KCTD16: variants seen among roughly 807,000 people sequenced by gnomAD.
KCTD16 encodes potassium channel tetramerization domain containing 16, also known as BTB/POZ domain-containing protein KCTD16.
KCTD16 carries 13 observed loss-of-function variants against 33.2 expected under a neutral mutation model. The observed-to-expected ratio is 0.39, with a 90% CI of 0.25 to 0.62. The LOEUF is 0.62. Ranked by LOEUF, KCTD16 falls within the 20% of genes least tolerant of loss-of-function variation. The pLI, the probability that KCTD16 is intolerant of heterozygous loss-of-function variation, is 0.50. For synonymous variants in KCTD16, 197 were observed against 195.3 expected (o/e 1.01, Z -0.07); for missense variants, 441 against 525.1 (o/e 0.84, Z 1.57).
At chr5:144,253,894 T>C (rs1298900530) in intron 3 of KCTD16, among the ~76,000 whole-genome samples, 1 of 152,180 alleles carries the variant, frequency 6.6e-6, no homozygotes, top group Admixed American at 6.5e-5. Flanking sequence ...AAAAATATGT[T>C]TTTCATATAA....
chr5:144,349,507 T>A (rs1752891117), intron 3 of KCTD16, among the ~76,000 whole-genome samples: 1 of 152,208 alleles, frequency 6.6e-6, no homozygotes, highest in East Asian at 1.9e-4. Flanking sequence ...TTTTTCTGAA[T>A]TGAATTAAAT....
At chr5:144,184,465 A>G (rs1039482857) in intron 2 of KCTD16, among the ~76,000 whole-genome samples, 3 of 152,206 alleles carry the variant, frequency 2.0e-5, no homozygotes, top group Non-Finnish European at 2.9e-5. Flanking sequence ...TAATGCTCCT[A>G]TGAATGTGGG....
rs77417927 is a variant in KCTD16 at position 144,394,031 on chromosome 5, G to A, written c.833-79629G>A. Among the ~76,000 whole-genome samples, 724 of 139,254 alleles carry A rather than the reference G, an allele frequency of 5.2e-3. 5 individuals are homozygous for A. Among genetic ancestry groups the A allele is most frequent in the African/African-American group, 0.019 (696 of 36,396 alleles). The allele number at this position is 139,254 out of a possible 152,430, so 91.4% of individuals were successfully genotyped here. A position where few individuals can be genotyped will look rare whatever the true frequency, so the allele number is the denominator to read the frequency against. On this transcript the variant is annotated intron_variant, in intron 3 of 3. Transcript: ENST00000512467. ...TGCACATGGTCGGGAACCCAAATAA[G>A]CCTCTCTCTCTGGAGTTGATGATTG...
chr5:144,466,027 C>T (rs758996554), intron 3 of KCTD16, among the ~76,000 whole-genome samples: 4 of 151,712 alleles, frequency 2.6e-5, no homozygotes, highest in African/African-American at 9.7e-5. Flanking sequence ...TTAGTAGAGA[C>T]GGGATTTCAC....
intron 3 of KCTD16, among the ~76,000 whole-genome samples, chr5:144,405,410 A>C (rs998195464): frequency 2.6e-5 from 4 of 152,188 alleles, no homozygotes; most frequent in Non-Finnish European, 5.9e-5. Context: ...ATGTTTGGCA[A>C]ATTACTTTCC....
chr5:144,297,170 G>A (rs1219772587), intron 3 of KCTD16, among the ~76,000 whole-genome samples: 2 of 152,200 alleles, frequency 1.3e-5, no homozygotes, highest in African/African-American at 4.8e-5. Flanking sequence ...TTACACGTTT[G>A]AGTTTCTTCT....
At chr5:144,359,468 C>A (rs1197078484) in intron 3 of KCTD16, among the ~76,000 whole-genome samples, 1 of 151,958 alleles carries the variant, frequency 6.6e-6, no homozygotes, top group Non-Finnish European at 1.5e-5. Flanking sequence ...ATTGCACTGC[C>A]ATTGCTTCTT....
At chr5:144,296,456 CTCTT>C (rs1201075327) in intron 3 of KCTD16, among the ~76,000 whole-genome samples, 1 of 152,136 alleles carries the variant, frequency 6.6e-6, no homozygotes, top group Non-Finnish European at 1.5e-5. Flanking sequence ...GTTCAATTGC[CTCTT>C]TCTTATTTTC....
chr5:144,246,382 G>A (rs1754549699), intron 3 of KCTD16, among the ~76,000 whole-genome samples: 1 of 152,120 alleles, frequency 6.6e-6, no homozygotes, highest in Non-Finnish European at 1.5e-5. Context: ...TACAAATAAG[G>A]GAAATCTGGC....
chr5:144,418,001 T>A (rs1000201890), intron 3 of KCTD16, among the ~76,000 whole-genome samples: 3 of 152,150 alleles, frequency 2.0e-5, no homozygotes, highest in Non-Finnish European at 4.4e-5. Context: ...AGTTTCTTCC[T>A]TCTGGTGGGC....
chr5:144,416,461 A>G (rs1753056596), intron 3 of KCTD16, among the ~76,000 whole-genome samples: 1 of 152,206 alleles, frequency 6.6e-6, no homozygotes, highest in Non-Finnish European at 1.5e-5. Flanking sequence ...TGAATGAGAC[A>G]CACCTCGGAT....
chr5:144,211,803 T>C (rs1753404174), intron 3 of KCTD16, among the ~76,000 whole-genome samples: 1 of 152,098 alleles, frequency 6.6e-6, no homozygotes, highest in African/African-American at 2.4e-5. Flanking sequence ...AGGTATGTGA[T>C]GTTTGGTCCT....
At chr5:144,377,869 G>A (rs1309939625) in intron 3 of KCTD16, 1 of 151,774 alleles carries the variant, frequency 6.6e-6, no homozygotes, top group African/African-American at 2.4e-5. Flanking sequence ...TGTGCAATTA[G>A]GTAGGTAATT....
chr5:144,420,255 G>C (rs1357435728), intron 3 of KCTD16, among the ~76,000 whole-genome samples: 1 of 152,078 alleles, frequency 6.6e-6, no homozygotes, highest in Non-Finnish European at 1.5e-5. Context: ...CAGTTTACTG[G>C]TCGGGGAATG....
chr5:144,398,099 T>C (rs1235331013), intron 3 of KCTD16, among the ~76,000 whole-genome samples: 1 of 152,192 alleles, frequency 6.6e-6, no homozygotes, highest in Admixed American at 6.5e-5. Context: ...TATTTTGTGT[T>C]TTTAATACCA....
At chr5:144,337,610 T>C (rs1752523337) in intron 3 of KCTD16, among the ~76,000 whole-genome samples, 1 of 152,236 alleles carries the variant, frequency 6.6e-6, no homozygotes, top group Non-Finnish European at 1.5e-5. Flanking sequence ...CTCATAACTT[T>C]AATGAATTCT....
At chr5:144,471,029 A>T (rs1417336037) in intron 3 of KCTD16, among the ~76,000 whole-genome samples, 1 of 152,154 alleles carries the variant, frequency 6.6e-6, no homozygotes, top group Non-Finnish European at 1.5e-5. Flanking sequence ...CATACCAAAA[A>T]ATTAGCCGGA....
intron 3 of KCTD16, among the ~76,000 whole-genome samples, chr5:144,301,967 T>C (rs778531670): frequency 3.4e-4 from 51 of 152,238 alleles, no homozygotes; most frequent in Admixed American, 5.2e-4. Context: ...CAGTCACTCT[T>C]CTAAATAGTT....
intron 3 of KCTD16, among the ~76,000 whole-genome samples, chr5:144,310,204 A>T (rs1751724565): frequency 6.6e-6 from 1 of 152,116 alleles, no homozygotes; most frequent in Non-Finnish European, 1.5e-5. Flanking sequence ...CTCCAATTCC[A>T]TCCATGTTGC....
Sources: allele counts gnomAD v4.1 joint callset (sites outside exome capture counted in the v4.1 genomes callset), GRCh38; gene constraint gnomAD v4.1.1; transcripts MANE v1.5; gene names NCBI Gene and HGNC (gene_info 2026-07-23, HGNC 2026-07-21).